Variants in NOC2L observed in about 807,000 individuals in gnomAD.
The protein encoded by NOC2L is nucleolar complex protein 2 homolog.
NOC2L carries 101 observed loss-of-function variants against 94.2 expected under a neutral mutation model. The ratio of observed to expected loss-of-function variants is 1.07; its 90% confidence interval spans 0.91 to 1.26. The LOEUF (loss-of-function observed/expected upper bound fraction) is 1.26. NOC2L is among the 50% of genes most tolerant of loss of function. The probability of loss-of-function intolerance (pLI) is 0.00; values close to 1 mark genes in which losing one functional copy is unlikely to be tolerated. For synonymous variants in NOC2L, 531 were observed against 413.4 expected (o/e 1.28, Z -3.45); for missense variants, 1,076 against 980.1 (o/e 1.10, Z -1.31).
intron 9 of NOC2L, 32 bp from the exon 10 acceptor site, chr1:952,632 G>T (rs781198439): frequency 6.2e-7 from 1 of 1,610,428 alleles, no homozygotes; most frequent in Non-Finnish European, 8.5e-7. Context: ...AGCCACCTGG[G>T]ATCAGGGCCA....
At position 950,160 on chromosome 1, in the gene NOC2L, A is replaced by G. The variant is rs574730554; in HGVS notation, c.1443+967T>C. Among the ~76,000 whole-genome samples the G allele has an allele frequency of 1.8e-4, 28 of 152,076 alleles. 1 individual carries two copies. The highest frequency in any genetic ancestry group is 6.3e-4 in the African/African-American group (26 of 41,488). ...CACACAGGTGCACACACGCACAGGC[A>G]CACACAAGCAGACGTGCATGCATGC... is the stretch of plus-strand genomic sequence containing the variant. On this transcript the variant is annotated intron_variant, in intron 12 of 18. Transcript: ENST00000327044.
Position 949,540 on chromosome 1 carries a change from A to G in NOC2L, c.1444-937T>C, listed in dbSNP as rs142394830. On this transcript the variant is annotated intron_variant, in intron 12 of 18. Transcript: ENST00000327044. ...AGCTTTTAGGGTTTGCTTTTTCCGG[A>G]GAGGAGAGGCCTGCATCCCTGCGTG... Among the ~76,000 whole-genome samples the G allele has an allele frequency of 5.3e-4, 80 of 152,238 alleles. 1 individual carries two copies. Among genetic ancestry groups the G allele is most frequent in the Middle Eastern group, 3.4e-3 (1 of 294 alleles).
At chr1:944,981 C>A (rs1352993459) in intron 18 of NOC2L, 76 bp downstream of exon 18, 7 of 1,602,546 alleles carry the variant, frequency 4.4e-6, no homozygotes, top group African/African-American at 4.0e-5. Flanking sequence ...GAGCCCCACG[C>A]CCCCCGCCCA....
In NOC2L at chr1:956,016, G is replaced by A. The variant is rs759487341; in HGVS notation, c.608-3C>T. 13 of 1,613,974 alleles carry A rather than the reference G, an allele frequency of 8.1e-6. No homozygotes were observed. The highest frequency in any genetic ancestry group is 1.1e-5 in the South Asian group (1 of 91,072). On this transcript the variant is annotated splice_polypyrimidine_tract_variant and splice_region_variant and intron_variant, in intron 5 of 18. Transcript: ENST00000327044. ...GAAGGTAACCAGAGCATTGAATGCT[G>A]CAACGAAAAGGCCTGGATGTACTCA...
intron 12 of NOC2L, among the ~76,000 whole-genome samples, chr1:950,730 G>A (rs1027858793): frequency 1.3e-5 from 2 of 152,064 alleles, no homozygotes; most frequent in African/African-American, 2.4e-5. Flanking sequence ...ACAGACAAAC[G>A]CACCCACCCA....
At chr1:952,258 CA>C in intron 10 of NOC2L, 119 bp from the exon 11 acceptor site, 1 of 1,407,502 alleles carries the variant, frequency 7.1e-7, no homozygotes, top group Non-Finnish European at 9.8e-7. Flanking sequence ...TCAACCCATC[CA>C]CCCTTCCCCC....
chr1:959,042 C>G lies in NOC2L; in HGVS notation c.66G>C (p.Ser22=), dbSNP rs1234994910. ...AELTVDEFLA[S]GFDSESESES... is the part of the protein sequence containing the mutation. ...CGGATTCGGACTCGGAGTCAAAGCC[C>G]GAAGCTAGGAACTCGTCCACCGTCA... The change falls in exon 2 of 19, where the codon TCG becomes TCC. Residue 22 remains serine (S), a synonymous_variant. Coordinates refer to ENST00000327044, the MANE Select transcript of NOC2L (RefSeq NM_015658.4). 1.9e-6 allele frequency: 3 copies of G among 1,611,516 alleles called. No individual in the cohort carries two copies. Among genetic ancestry groups the G allele is most frequent in the Non-Finnish European group, 8.5e-7 (1 of 1,179,106 alleles).
At position 952,466 on chromosome 1, in the gene NOC2L, G is replaced by A. The variant is rs753137759; in HGVS notation, c.1137C>T (p.Leu379=). The part of the protein sequence containing the change: ...EPGVAYQHAF[L]YIRQLAIHLR... ...GGTGTATGGCGAGCTGGCGGATGTA[G>A]AGGAAGGCGTGCTGGTAGGCCACAC... Residue 379 remains leucine, a synonymous_variant, in exon 10 of 19, where the codon CTC becomes CTT. Coordinates refer to ENST00000327044, the MANE Select transcript of NOC2L (RefSeq NM_015658.4). 87 of 1,613,756 alleles carry A rather than the reference G, an allele frequency of 5.4e-5. No individual in the cohort carries two copies. Among genetic ancestry groups the A allele is most frequent in the Non-Finnish European group, 7.1e-5 (84 of 1,180,038 alleles).
chr1:948,007 G>C, intron 14 of NOC2L, 124 bp downstream of exon 14: 6 of 738,500 alleles, frequency 8.1e-6, no homozygotes, highest in Non-Finnish European at 1.2e-5. Context: ...CGCGTTGCCA[G>C]CAGTCAGGTT....
intron 6 of NOC2L, 152 bp downstream of exon 6, chr1:955,771 G>A (rs1329476466): frequency 2.5e-5 from 17 of 672,268 alleles, no homozygotes; most frequent in South Asian, 1.3e-4. Context: ...CTCTCCCAAC[G>A]GTCCCTCGTG....
At position 946,463 on chromosome 1, in the gene NOC2L, G is replaced by A. The variant is rs752693019; in HGVS notation, c.1742C>T (p.Ser581Leu). The A allele has an allele frequency of 3.8e-5, 61 of 1,613,168 alleles. No homozygotes were observed. Among genetic ancestry groups the A allele is most frequent in the South Asian group, 1.2e-4 (11 of 91,086 alleles). Residue 581 changes from serine to leucine, a missense_variant, in exon 15 of 19, where the codon TCG becomes TTG. By Grantham distance (145) the Ser-to-Leu change is moderately radical (BLOSUM62 -2). Transcript: ENST00000327044. ...CTGGCGGCGGCTGCAGATGTATGCC[G>A]AGTTCTCCTGAACCTTCCCAAGCAG... ...QQLLGKVQEN[S>L]AYICSRRQRV...
intron 2 of NOC2L, 141 bp downstream of exon 2, chr1:958,788 G>C: frequency 1.2e-6 from 1 of 836,508 alleles, no homozygotes; most frequent in Non-Finnish European, 2.0e-6. Context: ...TCGGATGAAA[G>C]AGTAAGTTAA....
Position 955,987 on chromosome 1 carries a change from T to C in NOC2L, c.634A>G (p.Ile212Val), listed in dbSNP as rs757631707. The C allele has an allele frequency of 1.2e-6, 2 of 1,613,988 alleles. No individual in the cohort carries two copies. The highest frequency in any genetic ancestry group is 1.1e-5 in the South Asian group (1 of 91,070). ...AAFNALVTFCIRDLIGCLQKL... is the reference protein window; with the variant it reads ...AAFNALVTFCVRDLIGCLQKL... ...TGGAGACAGCCAATGAGGTCTCTGA[T>C]GCAGAAGGTAACCAGAGCATTGAAT... is the stretch of plus-strand genomic sequence containing the variant. Residue 212 changes from isoleucine to valine, a missense_variant, in exon 6 of 19, where the codon ATC becomes GTC. Ile to Val is a conservative substitution (Grantham distance 29). Coordinates refer to ENST00000327044, the MANE Select transcript of NOC2L (RefSeq NM_015658.4).
At position 952,393 on chromosome 1, in the gene NOC2L, G is replaced by C; in HGVS notation, c.1191+19C>G. The C allele has an allele frequency of 6.2e-7, 1 of 1,611,180 alleles. No individual in the cohort carries two copies. Among genetic ancestry groups the C allele is most frequent in the East Asian group, 2.2e-5 (1 of 44,848 alleles). Reference sequence around the variant, plus strand: ...CCACCCCATGCCCAGCATGAGCCTGGAAGGGCCCCACCACACACCTTCTTG... The same window carrying C: ...CCACCCCATGCCCAGCATGAGCCTGCAAGGGCCCCACCACACACCTTCTTG... On this transcript the variant is annotated intron_variant, in intron 10 of 18. Coordinates refer to ENST00000327044, the MANE Select transcript of NOC2L (RefSeq NM_015658.4).
intron 12 of NOC2L, among the ~76,000 whole-genome samples, chr1:949,965 G>A (rs1330447417): frequency 4.6e-5 from 7 of 152,116 alleles, no homozygotes; most frequent in Admixed American, 3.9e-4. Context: ...GGTGGAGATC[G>A]TGAATTCCTA....
intron 12 of NOC2L, 47 bp downstream of exon 12, chr1:951,080 T>TACAGGAGC: frequency 7.2e-7 from 1 of 1,394,106 alleles, no homozygotes; most frequent in Non-Finnish European, 1.0e-6. Context: ...AGATGCTCCC[T>TACAGGAGC]ACAGGAGCAG....
intron 12 of NOC2L, among the ~76,000 whole-genome samples, chr1:949,967 G>A (rs543059689): frequency 1.9e-4 from 29 of 152,212 alleles, no homozygotes; most frequent in Non-Finnish European, 3.5e-4. Context: ...TGGAGATCGT[G>A]AATTCCTAAA....
chr1:958,746 G>A (rs112173167), intron 2 of NOC2L, 183 bp downstream of exon 2: 196 of 727,322 alleles, frequency 2.7e-4, no homozygotes, highest in East Asian at 2.6e-3. Context: ...GCCTAGGACA[G>A]AGTTTGGCAC....
At chr1:948,449 C>A in intron 13 of NOC2L, 41 bp downstream of exon 13, 1 of 1,493,056 alleles carries the variant, frequency 6.7e-7, no homozygotes, top group Non-Finnish European at 9.3e-7. Context: ...CAACCCCACC[C>A]TGGGAACTGC....
Sources: allele counts gnomAD v4.1 joint callset (sites outside exome capture counted in the v4.1 genomes callset), GRCh38; gene constraint gnomAD v4.1.1; transcripts MANE v1.5; gene names NCBI Gene and HGNC (gene_info 2026-07-23, HGNC 2026-07-21).